CCDC175: variants seen among roughly 807,000 people sequenced by gnomAD.
CCDC175 encodes coiled-coil domain-containing protein 175.
In CCDC175, 100 loss-of-function variants were observed where a neutral mutation model predicts 114.6. The ratio of observed to expected loss-of-function variants is 0.87; its 90% CI spans 0.74 to 1.03. The LOEUF is 1.03. Among genes scored for constraint, CCDC175 ranks in the 50% least tolerant of loss-of-function variants. CCDC175 has a pLI of 0.00. For missense variants in CCDC175, 880 were observed against 917.8 expected, an observed-to-expected ratio of 0.96 and a Z score of 0.53; for synonymous variants, 306 against 308.7, an observed-to-expected ratio of 0.99 and a Z score of 0.09.
At chr14:59,569,761 T>C (rs1478766450) in intron 3 of CCDC175, among the ~76,000 whole-genome samples, 1 of 152,166 alleles carries the variant, frequency 6.6e-6, no homozygotes, top group African/African-American at 2.4e-5. Flanking sequence ...AATTAGGAGA[T>C]AGAAATCTCA....
chr14:59,576,486 G>A (rs973929681), intron 1 of CCDC175, 133 bp downstream of exon 1: 4 of 822,046 alleles, frequency 4.9e-6, no homozygotes, highest in Non-Finnish European at 6.7e-6. Flanking sequence ...TCCAAGGAGC[G>A]GGGAGAAGGC....
At chr14:59,516,812 C>A (rs1893117957) in intron 17 of CCDC175, among the ~76,000 whole-genome samples, 2 of 152,158 alleles carry the variant, frequency 1.3e-5, no homozygotes, top group Admixed American at 6.5e-5. Flanking sequence ...CTCCCTAACT[C>A]ATTTTATGAG....
intron 17 of CCDC175, among the ~76,000 whole-genome samples, chr14:59,513,216 C>T (rs1294753425): frequency 6.6e-6 from 1 of 152,174 alleles, no homozygotes; most frequent in African/African-American, 2.4e-5. Context: ...AGGAACAGCT[C>T]CAGTCTACAG....
At chr14:59,549,294 G>A (rs1895308322) in intron 8 of CCDC175, among the ~76,000 whole-genome samples, 1 of 152,158 alleles carries the variant, frequency 6.6e-6, no homozygotes. Context: ...CAGGAGGATT[G>A]CTTGAACTGA....
chr14:59,558,159 A>G (rs1236005125), intron 7 of CCDC175, among the ~76,000 whole-genome samples: 1 of 152,164 alleles, frequency 6.6e-6, no homozygotes, highest in Non-Finnish European at 1.5e-5. Flanking sequence ...AGAGGCAGGA[A>G]AAAGCTTGGT....
intron 7 of CCDC175, among the ~76,000 whole-genome samples, chr14:59,554,167 T>C (rs1412733727): frequency 6.6e-6 from 1 of 152,214 alleles, no homozygotes; most frequent in Non-Finnish European, 1.5e-5. Flanking sequence ...TATACGTTCT[T>C]CTCAGCACCA....
At position 59,545,365 on chromosome 14, in the gene CCDC175, C is replaced by T. The variant is rs1413681268; in HGVS notation, c.1036-66G>A. On this transcript the variant is annotated intron_variant, in intron 8 of 19. Coordinates refer to ENST00000537690, the MANE Select transcript of CCDC175 (RefSeq NM_001164399.2). ...ACTGCTCCTCTGAGGCCATCTGCAT[C>T]AGGTGGCAACTCGGAGAGCACCTGG... 3.4e-6 allele frequency: 5 copies of T among 1,451,476 alleles called. No homozygotes were observed. The Admixed American group carries it at 1.1e-4, about 33-fold the overall frequency. The allele number at this position is 1,451,476 out of a possible 1,614,324, so 89.9% of individuals were successfully genotyped here.
At position 59,505,117 on chromosome 14, in the gene CCDC175, G is replaced by A. The variant is rs773686728; in HGVS notation, c.*122C>T. ...TTTACTGATACTTGGTGGAGGTTGT[G>A]TGAATTAGTTAAATTTTAAATGTTT... On this transcript the variant is annotated 3_prime_UTR_variant, in exon 20 of 20. Transcript: ENST00000537690. 9 of 458,598 alleles carry A rather than the reference G, an allele frequency of 2.0e-5. No homozygotes were observed. Among genetic ancestry groups the A allele is most frequent in the African/African-American group, 7.9e-5 (4 of 50,656 alleles). 28.4% of individuals were successfully genotyped at this position (458,598 alleles called of 1,614,324 possible). A position where few individuals can be genotyped will look rare whatever the true frequency, so the allele number is the denominator to read the frequency against.
intron 5 of CCDC175, 151 bp downstream of exon 5, chr14:59,564,896 T>G: frequency 1.6e-6 from 1 of 624,450 alleles, no homozygotes; most frequent in Non-Finnish European, 2.8e-6. Flanking sequence ...GAAGTGTCCT[T>G]GAGTCTCCCG....
chr14:59,529,421 C>G (rs998383251), intron 14 of CCDC175, among the ~76,000 whole-genome samples: 2 of 152,160 alleles, frequency 1.3e-5, no homozygotes, highest in Non-Finnish European at 2.9e-5. Flanking sequence ...GGGATTTGAC[C>G]TGGAGCTCTA....
At chr14:59,525,230 T>C in intron 16 of CCDC175, 52 bp downstream of exon 16, 1 of 1,231,604 alleles carries the variant, frequency 8.1e-7, no homozygotes, top group Non-Finnish European at 1.1e-6. Context: ...CTATTACAGG[T>C]CTAGTCAATT....
rs1595017205 is a variant in CCDC175, at chr14:59,534,488, A to T, written c.1624-2578T>A. Among the ~76,000 whole-genome samples the T allele has an allele frequency of 2.0e-5, 3 of 152,262 alleles. No homozygotes were observed. The South Asian group carries it at 6.2e-4, about 32-fold the overall frequency. ...TCCTGTTGGTCTTTCCATCCCAAGT[A>T]CCTGCCCTGCTGACTTCAGGCCCCA... On this transcript the variant is annotated intron_variant, in intron 13 of 19. Coordinates refer to ENST00000537690, the MANE Select transcript of CCDC175 (RefSeq NM_001164399.2).
At chr14:59,554,681 G>T (rs1008882954) in intron 7 of CCDC175, among the ~76,000 whole-genome samples, 2 of 152,178 alleles carry the variant, frequency 1.3e-5, no homozygotes, top group Non-Finnish European at 2.9e-5. Context: ...CCAGGAGCTG[G>T]TTTTTTGAAA....
intron 17 of CCDC175, among the ~76,000 whole-genome samples, chr14:59,518,989 T>TA (rs1009289459): frequency 1.3e-5 from 2 of 152,142 alleles, no homozygotes; most frequent in South Asian, 2.1e-4. Flanking sequence ...TATGCAGCCA[T>TA]AAAAAATGAT....
intron 14 of CCDC175, among the ~76,000 whole-genome samples, chr14:59,531,181 G>T (rs542512561): frequency 8.6e-5 from 13 of 151,946 alleles, no homozygotes; most frequent in African/African-American, 2.7e-4. Context: ...AGGGTTGAAT[G>T]ATTACATCCA....
At chr14:59,538,612 C>T (rs74059550) in intron 12 of CCDC175, 93 bp downstream of exon 12, 51,840 of 1,098,190 alleles carry the variant, frequency 0.047, 1,582 homozygotes, top group African/African-American at 0.1. Flanking sequence ...AAGGAAAATA[C>T]TTTTTAATAA....
chr14:59,556,409 T>C (rs1243156776), intron 7 of CCDC175, among the ~76,000 whole-genome samples: 1 of 152,244 alleles, frequency 6.6e-6, no homozygotes, highest in Non-Finnish European at 1.5e-5. Context: ...GCTAGCCTTA[T>C]GTAGAAAGCT....
intron 17 of CCDC175, among the ~76,000 whole-genome samples, chr14:59,519,372 C>G (rs1238718609): frequency 6.6e-6 from 1 of 151,844 alleles, no homozygotes; most frequent in Non-Finnish European, 1.5e-5. Context: ...AACACTGAAA[C>G]TAAAAAAATT....
intron 13 of CCDC175, among the ~76,000 whole-genome samples, chr14:59,533,726 C>T (rs541445413): frequency 1.8e-4 from 27 of 152,270 alleles, no homozygotes; most frequent in Non-Finnish European, 2.8e-4. Context: ...TGGTGGCTCA[C>T]ACCTGGAATC....
Sources: allele counts gnomAD v4.1 joint callset (sites outside exome capture counted in the v4.1 genomes callset), GRCh38; gene constraint gnomAD v4.1.1; transcripts MANE v1.5; gene names NCBI Gene and HGNC (gene_info 2026-07-23, HGNC 2026-07-21).